Variants in KIAA1328 observed in about 807,000 individuals in gnomAD.
The protein encoded by KIAA1328 is protein hinderin.
KIAA1328 carries 52 observed loss-of-function variants against 68.1 expected under a neutral mutation model. The ratio of observed to expected loss-of-function variants is 0.76; its 90% CI spans 0.61 to 0.96. The LOEUF is 0.96. KIAA1328 is among the 40% of genes least tolerant of loss of function. The pLI, the probability that KIAA1328 is intolerant of heterozygous loss-of-function variation, is 0.00. For synonymous variants in KIAA1328, 232 were observed against 239.4 expected, an observed-to-expected ratio of 0.97 and a Z score of 0.28; for missense variants, 641 against 677.6, an observed-to-expected ratio of 0.95 and a Z score of 0.60.
chr18:36,960,480 C>CT (rs1238035472), intron 6 of KIAA1328, among the ~76,000 whole-genome samples: 1 of 152,236 alleles, frequency 6.6e-6, no homozygotes. Context: ...CGTTTGAGCT[C>CT]TGAGAATGGA....
At chr18:37,142,986 G>A (rs1599411102) in intron 7 of KIAA1328, among the ~76,000 whole-genome samples, 1 of 135,690 alleles carries the variant, frequency 7.4e-6, no homozygotes, top group Admixed American at 7.8e-5. Context: ...GCAGAGTCTT[G>A]CTCTGTCCCC....
chr18:37,175,415 C>T (rs1247868365), intron 9 of KIAA1328, among the ~76,000 whole-genome samples: 1 of 152,118 alleles, frequency 6.6e-6, no homozygotes, highest in African/African-American at 2.4e-5. Context: ...GTCATATTTA[C>T]AGACTTTAAA....
chr18:36,868,603 A>G (rs1305712362), intron 4 of KIAA1328, among the ~76,000 whole-genome samples: 1 of 152,168 alleles, frequency 6.6e-6, no homozygotes, highest in Non-Finnish European at 1.5e-5. Flanking sequence ...TGGTCTTTAA[A>G]GGAAAAAAGT....
chr18:37,043,063 C>T (rs1318580427), intron 6 of KIAA1328, among the ~76,000 whole-genome samples: 1 of 152,072 alleles, frequency 6.6e-6, no homozygotes, highest in East Asian at 1.9e-4. Flanking sequence ...CTTTTCAATG[C>T]TAGCATTTCC....
intron 5 of KIAA1328, among the ~76,000 whole-genome samples, chr18:36,928,671 A>T (rs185053687): frequency 4.0e-5 from 6 of 150,278 alleles, no homozygotes; most frequent in Admixed American, 4.0e-4. Context: ...TATAGGGGTG[A>T]GAGAGAGAGA....
intron 9 of KIAA1328, among the ~76,000 whole-genome samples, chr18:37,212,364 T>C (rs989974733): frequency 6.6e-6 from 1 of 152,044 alleles, no homozygotes; most frequent in Non-Finnish European, 1.5e-5. Flanking sequence ...CCATAGAAAA[T>C]GTCATGACAT....
At chr18:37,066,180 A>G (rs2056330932) in intron 6 of KIAA1328, among the ~76,000 whole-genome samples, 1 of 152,226 alleles carries the variant, frequency 6.6e-6, no homozygotes. Context: ...ACTTACAGCT[A>G]AAATGTTGGA....
At position 37,153,624 on chromosome 18, in the gene KIAA1328, CTTTT is replaced by C. The variant is rs772159270; in HGVS notation, c.1233-6554_1233-6551del. ...CTTGGGAGCTGTGGCAATCCAATAG[CTTTT>C]TTTTTTTTTTTTTTTTTTTTTCCCA... is the stretch of plus-strand genomic sequence containing the variant. On this transcript the variant is annotated intron_variant, in intron 7 of 9. Transcript: ENST00000280020. Among the ~76,000 whole-genome samples the C allele has an allele frequency of 2.0e-3, 187 of 95,664 alleles. 1 individual carries two copies. The highest frequency in any genetic ancestry group is 7.4e-3 in the African/African-American group (178 of 24,072). The allele number at this position is 95,664 out of a possible 152,430, so 62.8% of individuals were successfully genotyped here.
intron 3 of KIAA1328, among the ~76,000 whole-genome samples, chr18:36,841,011 A>G (rs1332139667): frequency 6.6e-6 from 1 of 152,108 alleles, no homozygotes; most frequent in East Asian, 1.9e-4. Context: ...ACTAGGAAGA[A>G]CCTCAGACTT....
At chr18:36,988,241 G>A (rs568202022) in intron 6 of KIAA1328, among the ~76,000 whole-genome samples, 4 of 152,016 alleles carry the variant, frequency 2.6e-5, no homozygotes, top group Non-Finnish European at 4.4e-5. Context: ...CAGATAATTC[G>A]ACTTTTAAAT....
intron 7 of KIAA1328, among the ~76,000 whole-genome samples, chr18:37,114,126 C>G (rs2058030891): frequency 6.6e-6 from 1 of 152,156 alleles, no homozygotes; most frequent in Admixed American, 6.5e-5. Flanking sequence ...CGAGGATATC[C>G]AGGAATTGAA....
intron 3 of KIAA1328, among the ~76,000 whole-genome samples, chr18:36,839,554 T>C (rs2046791258): frequency 6.6e-6 from 1 of 152,214 alleles, no homozygotes; most frequent in South Asian, 2.1e-4. Context: ...TAGGTTTCAA[T>C]TGAGCAATTT....
chr18:37,105,612 C>T (rs1018970952), intron 7 of KIAA1328, among the ~76,000 whole-genome samples: 2 of 150,498 alleles, frequency 1.3e-5, no homozygotes, highest in African/African-American at 4.9e-5. Context: ...ATGTCCTATT[C>T]TCTCTCAGGT....
At chr18:37,032,910 A>C (rs1215148348) in intron 6 of KIAA1328, among the ~76,000 whole-genome samples, 1 of 151,982 alleles carries the variant, frequency 6.6e-6, no homozygotes, top group Non-Finnish European at 1.5e-5. Flanking sequence ...CAAAGTGCCG[A>C]GATTACAGGC....
chr18:36,921,604 C>G (rs1263601258), intron 5 of KIAA1328, among the ~76,000 whole-genome samples: 2 of 152,054 alleles, frequency 1.3e-5, no homozygotes, highest in South Asian at 4.2e-4. Flanking sequence ...CGGGGTTTCA[C>G]TGTGTTAGCC....
chr18:36,895,720 T>G (rs1305213445), intron 5 of KIAA1328: 1 of 455,760 alleles, frequency 2.2e-6, no homozygotes, highest in Non-Finnish European at 4.4e-6. Context: ...ATTCATATGT[T>G]GAAGCTCTAA....
intron 7 of KIAA1328, among the ~76,000 whole-genome samples, chr18:37,067,890 G>A (rs949479118): frequency 6.6e-5 from 10 of 152,266 alleles, no homozygotes; most frequent in African/African-American, 2.4e-4. Flanking sequence ...AATGTCTGTA[G>A]TTTGGAGAGC....
At chr18:37,131,892 G>A (rs1486137052) in intron 7 of KIAA1328, among the ~76,000 whole-genome samples, 1 of 152,184 alleles carries the variant, frequency 6.6e-6, no homozygotes, top group Admixed American at 6.5e-5. Flanking sequence ...TCAAATGAAT[G>A]CCAGGGCATA....
At chr18:37,084,233 G>GTAAACCTGAAGTCTCAGT (rs777409976) in intron 7 of KIAA1328, 1 of 1,478,174 alleles carries the variant, frequency 6.8e-7, no homozygotes, top group South Asian at 1.3e-5. Flanking sequence ...CTGGACCAAG[G>GTAAACCTGAAGTCTCAGT]TAAACCTGAA....
Sources: gnomAD v4.1 joint callset for allele counts (sites outside exome capture counted in the v4.1 genomes callset) on GRCh38, gnomAD v4.1.1 for gene constraint, MANE v1.5 for transcripts, NCBI Gene and HGNC (gene_info 2026-07-23, HGNC 2026-07-21) for gene names.